Variants in IL1RAP observed in about 807,000 individuals in gnomAD.
IL1RAP encodes interleukin-1 receptor accessory protein.
A neutral mutation model predicts 60.7 loss-of-function variants in IL1RAP; 35 were observed. The ratio of observed to expected loss-of-function variants is 0.58; its 90% confidence interval spans 0.44 to 0.76. IL1RAP has a LOEUF of 0.76. Among genes scored for constraint, IL1RAP ranks in the 30% least tolerant of loss-of-function variants. IL1RAP has a pLI of 0.00. For missense variants in IL1RAP, 572 were observed against 693.9 expected (o/e 0.82, Z 1.97); for synonymous variants, 268 against 250.9 (o/e 1.07, Z -0.64).
chr3:190,650,346 G>T lies in IL1RAP; in HGVS notation c.*1641G>T, dbSNP rs1250927286. On this transcript the variant is annotated 3_prime_UTR_variant, in exon 12 of 12. Coordinates refer to ENST00000447382, the MANE Select transcript of IL1RAP (RefSeq NM_002182.4). The stretch of plus-strand genomic sequence containing the variant: ...CATCTGCTGTGCACAGAGCTTCCAT[G>T]GTCACTGCTAAGCAGTAGCCAGCCA... The T allele has an allele frequency of 1.0e-6, 1 of 985,172 alleles. No individual in the cohort carries two copies. Among genetic ancestry groups the T allele is most frequent in the Non-Finnish European group, 1.2e-6 (1 of 829,880 alleles). The allele number at this position is 985,172 out of a possible 1,614,324, so 61.0% of individuals were successfully genotyped here. A position where few individuals can be genotyped will look rare whatever the true frequency, so the allele number is the denominator to read the frequency against.
intron 3 of IL1RAP, among the ~76,000 whole-genome samples, chr3:190,566,929 T>C (rs956813729): frequency 2.0e-5 from 3 of 152,192 alleles, no homozygotes; most frequent in African/African-American, 7.2e-5. Context: ...GTGCTCAGGT[T>C]CCCATCTCAA....
At chr3:190,522,606 A>G (rs992805977) in intron 1 of IL1RAP, among the ~76,000 whole-genome samples, 2 of 151,816 alleles carry the variant, frequency 1.3e-5, no homozygotes, top group African/African-American at 4.8e-5. Context: ...CTCTCATTTG[A>G]TGAATCTCAG....
At chr3:190,601,449 G>A (rs906067718) in intron 3 of IL1RAP, among the ~76,000 whole-genome samples, 1 of 152,078 alleles carries the variant, frequency 6.6e-6, no homozygotes, top group African/African-American at 2.4e-5. Flanking sequence ...TTTAAAAGTT[G>A]CTTCTAACTA....
At chr3:190,603,002 A>G (rs1321607427) in intron 3 of IL1RAP, among the ~76,000 whole-genome samples, 1 of 152,172 alleles carries the variant, frequency 6.6e-6, no homozygotes, top group Admixed American at 6.5e-5. Flanking sequence ...TTGTTTTCTT[A>G]AAATAAAGAA....
chr3:190,578,305 T>C (rs1430815938), intron 3 of IL1RAP, among the ~76,000 whole-genome samples: 1 of 152,214 alleles, frequency 6.6e-6, no homozygotes, highest in Non-Finnish European at 1.5e-5. Flanking sequence ...TATATAGATC[T>C]GAGCTGTTGT....
intron 7 of IL1RAP, among the ~76,000 whole-genome samples, chr3:190,624,299 C>T (rs1732039061): frequency 6.6e-6 from 1 of 152,218 alleles, no homozygotes; most frequent in Non-Finnish European, 1.5e-5. Flanking sequence ...GAACCAATAA[C>T]AGGGTAACAT....
chr3:190,575,467 G>C (rs1727357497), intron 3 of IL1RAP, among the ~76,000 whole-genome samples: 1 of 152,144 alleles, frequency 6.6e-6, no homozygotes, highest in Admixed American at 6.5e-5. Context: ...GGAAAGTAAT[G>C]GGATATTCCT....
At chr3:190,543,133 C>T (rs911278630) in intron 1 of IL1RAP, among the ~76,000 whole-genome samples, 4 of 152,038 alleles carry the variant, frequency 2.6e-5, no homozygotes, top group African/African-American at 9.7e-5. Context: ...CCAAGGCTTA[C>T]ACTGACAAAG....
chr3:190,576,840 G>T (rs1231546549), intron 3 of IL1RAP, among the ~76,000 whole-genome samples: 1 of 152,196 alleles, frequency 6.6e-6, no homozygotes, highest in African/African-American at 2.4e-5. Context: ...ATGGCCGGGC[G>T]CGGTGGCTCA....
intron 9 of IL1RAP, among the ~76,000 whole-genome samples, chr3:190,634,367 C>T (rs1342144742): frequency 6.7e-6 from 1 of 149,952 alleles, no homozygotes; most frequent in Non-Finnish European, 1.5e-5. Flanking sequence ...CGGCTCAGTG[C>T]AACCTCCACC....
At chr3:190,532,221 T>C (rs561133656) in intron 1 of IL1RAP, among the ~76,000 whole-genome samples, 11 of 151,848 alleles carry the variant, frequency 7.2e-5, no homozygotes, top group Non-Finnish European at 1.3e-4. Context: ...GCTTACTGTG[T>C]GCCAGGTGCT....
At chr3:190,600,017 C>T (rs996836920) in intron 3 of IL1RAP, among the ~76,000 whole-genome samples, 1 of 151,916 alleles carries the variant, frequency 6.6e-6, no homozygotes, top group East Asian at 1.9e-4. Flanking sequence ...TTGATTTTCT[C>T]CAAGTTCCTT....
chr3:190,594,337 A>G (rs1729199491), intron 3 of IL1RAP, among the ~76,000 whole-genome samples: 1 of 152,204 alleles, frequency 6.6e-6, no homozygotes, highest in African/African-American at 2.4e-5. Context: ...CTGGTAAGGC[A>G]ACTCCGCAAG....
intron 3 of IL1RAP, among the ~76,000 whole-genome samples, chr3:190,578,296 A>G (rs1470216114): frequency 6.6e-6 from 1 of 152,204 alleles, no homozygotes; most frequent in African/African-American, 2.4e-5. Flanking sequence ...GTAAGAAAGT[A>G]TATAGATCTG....
chr3:190,625,362 T>C (rs1732160203), intron 7 of IL1RAP, among the ~76,000 whole-genome samples: 2 of 152,114 alleles, frequency 1.3e-5, no homozygotes, highest in South Asian at 4.1e-4. Context: ...TAAATGTTTA[T>C]CTAGAATTAA....
chr3:190,619,347 T>G (rs1437823091), intron 5 of IL1RAP, among the ~76,000 whole-genome samples: 1 of 152,172 alleles, frequency 6.6e-6, no homozygotes, highest in Admixed American at 6.5e-5. Flanking sequence ...TATGCAAATG[T>G]GAATTAGGAG....
At chr3:190,658,071 AT>A (rs1422139480) in exon 12 of IL1RAP, 1 of 151,372 alleles carries the variant, frequency 6.6e-6, no homozygotes, top group African/African-American at 2.4e-5. Flanking sequence ...AAAAAAAAAA[AT>A]GGGTAGCTTC....
At chr3:190,514,834 C>G (rs760955209) in intron 1 of IL1RAP, among the ~76,000 whole-genome samples, 3 of 152,184 alleles carry the variant, frequency 2.0e-5, no homozygotes, top group Non-Finnish European at 4.4e-5. Context: ...TTCCCAGCCC[C>G]GGAGGAAGCG....
downstream of IL1RAP, among the ~76,000 whole-genome samples, chr3:190,654,719 T>A (rs1734553390): frequency 6.6e-6 from 1 of 152,244 alleles, no homozygotes; most frequent in Non-Finnish European, 1.5e-5. Context: ...TCTCCGTTAC[T>A]GTTTCGTCCC....
Sources: allele counts gnomAD v4.1 joint callset (sites outside exome capture counted in the v4.1 genomes callset), GRCh38; gene constraint gnomAD v4.1.1; transcripts MANE v1.5; gene names NCBI Gene and HGNC (gene_info 2026-07-23, HGNC 2026-07-21).